ANGPT4: variants seen among roughly 807,000 people sequenced by gnomAD.
ANGPT4 encodes the protein angiopoietin-4.
In ANGPT4, 50 loss-of-function variants were observed where a neutral mutation model predicts 53.0. That is an observed-to-expected ratio of 0.94 (90% CI 0.75 to 1.20). The LOEUF is 1.20. Among genes scored for constraint, ANGPT4 ranks in the 50% most tolerant of loss-of-function variants. The pLI is 0.00. For missense variants in ANGPT4, 648 were observed against 637.1 expected (o/e 1.02, Z -0.18); for synonymous variants, 251 against 259.7 (o/e 0.97, Z 0.32).
intron 8 of ANGPT4, 126 bp downstream of exon 8, chr20:874,158 G>T (rs1291465654): frequency 1.4e-6 from 2 of 1,420,636 alleles, no homozygotes; most frequent in Non-Finnish European, 1.9e-6. Flanking sequence ...TTATGGGTGG[G>T]CAAGGCCCAG....
chr20:889,015 C>G lies in ANGPT4; in HGVS notation c.466-576G>C, dbSNP rs140405226. Among the ~76,000 whole-genome samples the G allele has an allele frequency of 2.1e-3, 313 of 152,340 alleles. 2 individuals are homozygous for G. The highest frequency in any genetic ancestry group is 7.3e-3 in the African/African-American group (302 of 41,580). On this transcript the variant is annotated intron_variant, in intron 2 of 8. Coordinates refer to ENST00000381922, the MANE Select transcript of ANGPT4 (RefSeq NM_015985.4). ...CTCCTGGTCACTCCAGCATAGTGGT[C>G]TCCTGATGTTCTTGAACCTGCCAGC...
chr20:899,397 G>A (rs943089789), intron 1 of ANGPT4, among the ~76,000 whole-genome samples: 10 of 151,900 alleles, frequency 6.6e-5, no homozygotes, highest in Non-Finnish European at 8.8e-5. Flanking sequence ...ACAGGTGCCT[G>A]CCACCACGCC....
chr20:880,212 CT>C (rs890649073), intron 5 of ANGPT4, among the ~76,000 whole-genome samples: 1 of 152,150 alleles, frequency 6.6e-6, no homozygotes, highest in African/African-American at 2.4e-5. Context: ...AGCTCGACCT[CT>C]TTTTGTTGAA....
In ANGPT4 at chr20:902,490, T is replaced by C. The variant is rs569651800; in HGVS notation, c.310-12122A>G. On this transcript the variant is annotated intron_variant, in intron 1 of 8. Transcript: ENST00000381922. ...AAACCGCAGATACTCTAATATCTCA[T>C]TGCAGTGATTGCGGATATCTACGAC... is the stretch of plus-strand genomic sequence containing the variant. Among the ~76,000 whole-genome samples the C allele has an allele frequency of 1.4e-4, 22 of 152,298 alleles. No homozygotes were observed. In the South Asian group the frequency reaches 4.4e-3, roughly 30 times the overall value.
At chr20:909,589 C>A (rs1378815865) in intron 1 of ANGPT4, among the ~76,000 whole-genome samples, 1 of 152,210 alleles carries the variant, frequency 6.6e-6, no homozygotes, top group African/African-American at 2.4e-5. Flanking sequence ...CTCTGCCAGG[C>A]CCTGTACTGA....
chr20:890,371 G>A lies in ANGPT4; in HGVS notation c.310-3C>T, dbSNP rs756579841. ...ATCGTCTTGATGGCCCTCTCTAGCT[G>A]TGGGAGACCATGGGCTGGGGTCACG... On this transcript the variant is annotated splice_polypyrimidine_tract_variant and splice_region_variant and intron_variant, in intron 1 of 8. Coordinates refer to ENST00000381922, the MANE Select transcript of ANGPT4 (RefSeq NM_015985.4). 2 of 1,608,680 alleles carry A rather than the reference G, an allele frequency of 1.2e-6. No homozygotes were observed. Among genetic ancestry groups the A allele is most frequent in the South Asian group, 2.2e-5 (2 of 90,928 alleles).
chr20:912,399 G>C (rs1293840705), intron 1 of ANGPT4, among the ~76,000 whole-genome samples: 1 of 152,206 alleles, frequency 6.6e-6, no homozygotes, highest in Non-Finnish European at 1.5e-5. Context: ...GTGGACAGAG[G>C]AGGTCATGTG....
chr20:882,512 T>C (rs776432527), intron 4 of ANGPT4, among the ~76,000 whole-genome samples: 6 of 152,136 alleles, frequency 3.9e-5, no homozygotes, highest in Non-Finnish European at 7.4e-5. Flanking sequence ...AGGCTATTGC[T>C]CTCATGTCAC....
chr20:881,043 C>T, intron 5 of ANGPT4, 128 bp downstream of exon 5: 4 of 729,886 alleles, frequency 5.5e-6, no homozygotes, highest in Middle Eastern at 4.0e-4. Flanking sequence ...GAAGTCAAAG[C>T]CACCCCTACA....
intron 1 of ANGPT4, among the ~76,000 whole-genome samples, chr20:899,335 T>C (rs1156776297): frequency 6.6e-6 from 1 of 151,702 alleles, no homozygotes; most frequent in Admixed American, 6.6e-5. Context: ...GCAAGCTCCA[T>C]CTCCCAGGTT....
chr20:889,235 T>C (rs973344703), intron 2 of ANGPT4, among the ~76,000 whole-genome samples: 1 of 151,608 alleles, frequency 6.6e-6, no homozygotes, highest in African/African-American at 2.4e-5. Flanking sequence ...ATTTTCTCCT[T>C]AGCGCTGTCA....
chr20:874,311 A>G lies in ANGPT4; in HGVS notation c.1324T>C (p.Cys442Arg), dbSNP rs1185218100. 1.2e-6 allele frequency: 2 copies of G among 1,614,196 alleles called. No individual in the cohort carries two copies. Among genetic ancestry groups the G allele is most frequent in the Non-Finnish European group, 1.7e-6 (2 of 1,180,014 alleles). ...CCAGACATCACTTGGGCACACTTGC[A>G]GAGACAGTGGTCGTTGTCTGAGTCA... ...TLDSDNDHCL[C>R]KCAQVMSGGW... The change falls in exon 8 of 9, where the codon TGC becomes CGC. Residue 442 changes from cysteine to arginine, a missense_variant. Coordinates refer to ENST00000381922, the MANE Select transcript of ANGPT4 (RefSeq NM_015985.4).
In ANGPT4 at chr20:911,846, C is replaced by CAGAGAGAGGG. The variant is rs1176037594; in HGVS notation, c.309+4050_309+4059dup. On this transcript the variant is annotated intron_variant, in intron 1 of 8. Transcript: ENST00000381922. The surrounding 1 kb of genome is among the most constrained non-coding windows in gnomAD (Gnocchi z 4.9). ...AGAGACAGAGAGAGGGAGAGAGGGA[C>CAGAGAGAGGG]AGAGAGAGGGAGAGAGAGACAGAGA... 1.1e-4 allele frequency among the ~76,000 whole-genome samples: 8 copies of CAGAGAGAGGG among 73,806 alleles called. No individual in the cohort carries two copies. Among genetic ancestry groups the CAGAGAGAGGG allele is most frequent in the African/African-American group, 3.2e-4 (8 of 24,932 alleles). 48.4% of individuals were successfully genotyped at this position (73,806 alleles called of 152,430 possible). A position where few individuals can be genotyped will look rare whatever the true frequency, so the allele number is the denominator to read the frequency against.
Position 872,781 on chromosome 20 carries a change from C to T in ANGPT4, c.*179G>A, listed in dbSNP as rs950188468. The T allele has an allele frequency of 4.6e-5, 32 of 691,224 alleles. No individual in the cohort carries two copies. The highest frequency in any genetic ancestry group is 1.3e-4 in the African/African-American group (7 of 53,034). 42.8% of individuals were successfully genotyped at this position (691,224 alleles called of 1,614,324 possible). A position where few individuals can be genotyped will look rare whatever the true frequency, so the allele number is the denominator to read the frequency against. ...CCCCGAACACCCTCCATGTCACAGACGGAGGGGAGTTGGGGGGCAGATGAC... is the reference window on the plus strand; with the variant it reads ...CCCCGAACACCCTCCATGTCACAGATGGAGGGGAGTTGGGGGGCAGATGAC... On this transcript the variant is annotated 3_prime_UTR_variant, in exon 9 of 9. Transcript: ENST00000381922.
At chr20:900,584 C>T (rs536013046) in intron 1 of ANGPT4, among the ~76,000 whole-genome samples, 1 of 152,236 alleles carries the variant, frequency 6.6e-6, no homozygotes, top group South Asian at 2.1e-4. Context: ...TCCCTGTTCC[C>T]CTCATGACAC....
rs1372712282 is a variant in ANGPT4 at position 899,409 on chromosome 20, A to G, written c.310-9041T>C. 1.5e-4 allele frequency among the ~76,000 whole-genome samples: 22 copies of G among 151,660 alleles called. No individual in the cohort carries two copies. The Middle Eastern group carries it at 0.01, about 71-fold the overall frequency. On this transcript the variant is annotated intron_variant, in intron 1 of 8. Transcript: ENST00000381922. ...ACTACAGGTGCCTGCCACCACGCCT[A>G]GCTAATTTTTTTGTATTTTTTTTTT... is the stretch of plus-strand genomic sequence containing the variant.
intron 1 of ANGPT4, among the ~76,000 whole-genome samples, chr20:898,082 CTT>C (rs367740328): frequency 6.6e-6 from 1 of 151,548 alleles, no homozygotes; most frequent in African/African-American, 2.4e-5. Flanking sequence ...CATCCCAAAT[CTT>C]TTTTTTTCTC....
intron 8 of ANGPT4, among the ~76,000 whole-genome samples, chr20:873,917 G>C (rs1981051296): frequency 1.3e-5 from 2 of 152,166 alleles, no homozygotes; most frequent in South Asian, 2.1e-4. Context: ...GCCACAGCTG[G>C]TGTGGAGCTG....
chr20:908,328 T>C lies in ANGPT4; in HGVS notation c.309+7578A>G, dbSNP rs1319112897. Among the ~76,000 whole-genome samples the C allele has an allele frequency of 6.6e-6, 1 of 152,190 alleles. No individual in the cohort carries two copies. Among genetic ancestry groups the C allele is most frequent in the Admixed American group, 6.5e-5 (1 of 15,286 alleles). ...CTCTCTGCACTGTAGACACACTGAA[T>C]GCCTTTTGCTTTTGGCCCATTCTAC... On this transcript the variant is annotated intron_variant, in intron 1 of 8. Transcript: ENST00000381922. The surrounding 1 kb of genome is among the most constrained non-coding windows in gnomAD (Gnocchi z 4.9).
Sources: allele counts gnomAD v4.1 joint callset (sites outside exome capture counted in the v4.1 genomes callset), GRCh38; gene constraint gnomAD v4.1.1; non-coding constraint Gnocchi (gnomAD v3.1); transcripts MANE v1.5; gene names NCBI Gene and HGNC (gene_info 2026-07-23, HGNC 2026-07-21).